PHLDB3: variants seen among roughly 807,000 people sequenced by gnomAD.
The protein encoded by PHLDB3 is pleckstrin homology-like domain family B member 3.
In PHLDB3, 86 loss-of-function variants were observed where a neutral mutation model predicts 85.7. The observed-to-expected ratio is 1.00, with a 90% CI of 0.84 to 1.20. The LOEUF (loss-of-function observed/expected upper bound fraction) is 1.20, where lower values mean the gene tolerates loss of function less well. PHLDB3 is among the 50% of genes most tolerant of loss of function. PHLDB3 has a pLI of 0.00. For synonymous variants in PHLDB3, 376 were observed against 349.8 expected (o/e 1.07, Z -0.83); for missense variants, 995 against 873.0 (o/e 1.14, Z -1.76).
chr19:43,486,025 C>G, intron 13 of PHLDB3: 3 of 985,312 alleles, frequency 3.0e-6, no homozygotes, highest in Non-Finnish European at 3.6e-6. Context: ...CACCAATGTA[C>G]AGAAGAGGAA....
intron 9 of PHLDB3, among the ~76,000 whole-genome samples, chr19:43,487,583 A>AC: frequency 1.4e-5 from 2 of 148,142 alleles, no homozygotes; most frequent in African/African-American, 5.0e-5. Flanking sequence ...TCAAAAAAAA[A>AC]AAAAAAAAAC....
At chr19:43,484,888 G>A (rs888693370) in intron 13 of PHLDB3, among the ~76,000 whole-genome samples, 3 of 152,092 alleles carry the variant, frequency 2.0e-5, no homozygotes, top group African/African-American at 7.2e-5. Context: ...GCAGCTTGGA[G>A]GCTGACATGG....
At chr19:43,488,490 C>T (rs1971236567) in intron 9 of PHLDB3, among the ~76,000 whole-genome samples, 1 of 151,912 alleles carries the variant, frequency 6.6e-6, no homozygotes, top group South Asian at 2.1e-4. Flanking sequence ...AACAAAAAAC[C>T]CACCGTGCTG....
At chr19:43,500,909 A>ACCCCCCCCCCCCCCCCCCCCCCC (rs1248570317) in intron 4 of PHLDB3, among the ~76,000 whole-genome samples, 5 of 17,148 alleles carry the variant, frequency 2.9e-4, no homozygotes, top group Admixed American at 6.1e-4. Flanking sequence ...CGCCCCCCGT[A>ACCCCCCCCCCCCCCCCCCCCCCC]CCCCCCCCCC....
rs778756226 is a variant in PHLDB3, at chr19:43,495,530, G to A, written c.916C>T (p.Arg306Trp). ...QMAAESRGLS[R>W]KKEEALQALS... is the part of the protein sequence containing the mutation. ...GCCTGAAGGGCCTCCTCCTTCTTCC[G>A]GCTCAACCCCCGGCTCTCGGCTGCC... is the stretch of plus-strand genomic sequence containing the variant. The change falls in exon 7 of 16, where the codon CGG becomes TGG. Residue 306 changes from arginine to tryptophan, a missense_variant. Transcript: ENST00000292140. The A allele has an allele frequency of 8.7e-6, 14 of 1,607,050 alleles. No homozygotes were observed. In the East Asian group the frequency reaches 1.1e-4, roughly 13 times the overall value.
rs1219109757 is a variant in PHLDB3, at chr19:43,495,242, C to T, written c.1035+14G>A. On this transcript the variant is annotated intron_variant, in intron 8 of 15. Transcript: ENST00000292140. ...GAGGGAGGAGGGACTGAGAGGCATACAAAATCCCCATACCTTAGTGAGGGC... is the reference window on the plus strand; with the variant it reads ...GAGGGAGGAGGGACTGAGAGGCATATAAAATCCCCATACCTTAGTGAGGGC... 5 of 1,611,924 alleles carry T rather than the reference C, an allele frequency of 3.1e-6. No homozygotes were observed. The highest frequency in any genetic ancestry group is 3.3e-5 in the Admixed American group (2 of 59,816).
intron 9 of PHLDB3, among the ~76,000 whole-genome samples, chr19:43,491,510 T>C (rs1971310538): frequency 6.6e-6 from 1 of 151,960 alleles, no homozygotes. Context: ...TAACAAGATT[T>C]TTTTTTTTTA....
In PHLDB3 at chr19:43,475,405, G is replaced by C; in HGVS notation, c.*5C>G. On this transcript the variant is annotated 3_prime_UTR_variant, in exon 16 of 16. Transcript: ENST00000292140. ...AGGGACTTCCCCCCAAGAGGGCGGG[G>C]CCACTCAGGGGGCGTGGTTTTCGTC... The C allele has an allele frequency of 1.2e-6, 2 of 1,613,728 alleles. No individual in the cohort carries two copies. Among genetic ancestry groups the C allele is most frequent in the East Asian group, 2.2e-5 (1 of 44,848 alleles).
intron 15 of PHLDB3, among the ~76,000 whole-genome samples, chr19:43,476,438 A>T (rs1431899866): frequency 6.6e-6 from 1 of 152,106 alleles, no homozygotes; most frequent in Non-Finnish European, 1.5e-5. Flanking sequence ...TGAACTCAGG[A>T]GTTCAAGACC....
At chr19:43,495,407 T>A in intron 7 of PHLDB3, 68 bp from the exon 8 acceptor site, 1 of 1,598,638 alleles carries the variant, frequency 6.3e-7, no homozygotes, top group Non-Finnish European at 8.5e-7. Flanking sequence ...TTCCCTAATG[T>A]CAGGAGACAT....
intron 14 of PHLDB3, among the ~76,000 whole-genome samples, chr19:43,478,624 C>T (rs1012567209): frequency 3.9e-5 from 6 of 152,098 alleles, no homozygotes; most frequent in Admixed American, 6.6e-5. Flanking sequence ...ACAATACAAG[C>T]GTCCAAGGAG....
chr19:43,487,373 G>A (rs538614823), intron 9 of PHLDB3, among the ~76,000 whole-genome samples: 5 of 152,000 alleles, frequency 3.3e-5, no homozygotes, highest in South Asian at 2.1e-4. Flanking sequence ...CCGGGAGCTC[G>A]ACACCAGCCT....
chr19:43,486,946 A>AG, intron 10 of PHLDB3, 76 bp from the exon 11 acceptor site: 1 of 1,477,144 alleles, frequency 6.8e-7, no homozygotes, highest in Non-Finnish European at 9.0e-7. Context: ...CTGCAGGCAT[A>AG]GGTGCGGGTT....
At chr19:43,501,175 C>CTTTT (rs59042804) in intron 4 of PHLDB3, among the ~76,000 whole-genome samples, 2 of 83,598 alleles carry the variant, frequency 2.4e-5, no homozygotes, top group African/African-American at 5.0e-5. Flanking sequence ...TTCTTTTTCT[C>CTTTT]TTTTTTTTTT....
At chr19:43,503,799 C>G (rs934731073) in intron 2 of PHLDB3, 107 bp downstream of exon 2, 56 of 1,316,122 alleles carry the variant, frequency 4.3e-5, no homozygotes, top group Non-Finnish European at 5.5e-5. Flanking sequence ...CTCCCTGTCT[C>G]CGGGTCTCTG....
chr19:43,489,080 G>A (rs976064178), intron 9 of PHLDB3, among the ~76,000 whole-genome samples: 7 of 152,050 alleles, frequency 4.6e-5, no homozygotes, highest in African/African-American at 1.4e-4. Flanking sequence ...GATTACAGGC[G>A]TGAGCCACCG....
intron 14 of PHLDB3, among the ~76,000 whole-genome samples, chr19:43,478,825 G>C (rs1187901694): frequency 6.6e-6 from 1 of 152,314 alleles, no homozygotes; most frequent in South Asian, 2.1e-4. Flanking sequence ...TGAGGCAGGA[G>C]AATCGCTTGA....
At chr19:43,497,655 T>G in intron 5 of PHLDB3, 93 bp downstream of exon 5, 1 of 1,355,844 alleles carries the variant, frequency 7.4e-7, no homozygotes, top group Non-Finnish European at 1.0e-6. Flanking sequence ...GAGGTTGCAG[T>G]GAGCCGAGAT....
intron 4 of PHLDB3, among the ~76,000 whole-genome samples, chr19:43,498,869 G>A (rs1392240265): frequency 6.6e-6 from 1 of 152,204 alleles, no homozygotes; most frequent in Non-Finnish European, 1.5e-5. Context: ...AAGTTGAAAA[G>A]TACAAGAAGT....
Sources: allele counts gnomAD v4.1 joint callset (sites outside exome capture counted in the v4.1 genomes callset), GRCh38; gene constraint gnomAD v4.1.1; transcripts MANE v1.5; gene names NCBI Gene and HGNC (gene_info 2026-07-23, HGNC 2026-07-21).